The following SMCHD1 variants were observed in gnomAD, a reference collection of about 807,000 sequenced individuals.
The protein encoded by SMCHD1 is structural maintenance of chromosomes flexible hinge domain containing 1.
SMCHD1 carries 78 observed loss-of-function variants against 254.7 expected under a neutral mutation model. The observed-to-expected ratio is 0.31, with a 90% confidence interval of 0.26 to 0.37. The LOEUF is 0.37. SMCHD1 is among the 10% of genes least tolerant of loss of function. SMCHD1 has a pLI of 1.00. For synonymous variants in SMCHD1, 766 were observed against 794.9 expected (o/e 0.96, Z 0.61); for missense variants, 1,840 against 2,408.1 (o/e 0.76, Z 4.94).
intron 17 of SMCHD1, among the ~76,000 whole-genome samples, chr18:2,709,348 C>T (rs1427559703): frequency 6.6e-6 from 1 of 151,878 alleles, no homozygotes; most frequent in Admixed American, 6.6e-5. Context: ...GAAGAATGCT[C>T]CTGTGAACAT....
intron 7 of SMCHD1, among the ~76,000 whole-genome samples, chr18:2,693,622 T>TTTTGTTTGTTTGTTTG (rs77752065): frequency 6.7e-6 from 1 of 149,276 alleles, no homozygotes; most frequent in Non-Finnish European, 1.5e-5. Flanking sequence ...ATACCATGTT[T>TTTTGTTTGTTTGTTTG]TTTGTTTGTT....
chr18:2,706,010 A>G (rs1199104386), intron 14 of SMCHD1, among the ~76,000 whole-genome samples: 1 of 152,178 alleles, frequency 6.6e-6, no homozygotes, highest in Non-Finnish European at 1.5e-5. Flanking sequence ...TTGTAAACAT[A>G]TATACATTAT....
chr18:2,666,437 C>T (rs1329374240), intron 2 of SMCHD1, among the ~76,000 whole-genome samples: 3 of 152,156 alleles, frequency 2.0e-5, no homozygotes. Context: ...TAGTTGATAT[C>T]AGTTATGGCT....
chr18:2,688,628 A>C lies in SMCHD1; in HGVS notation c.754A>C (p.Met252Leu), dbSNP rs756110596. The C allele has an allele frequency of 3.8e-6, 6 of 1,561,010 alleles. No individual in the cohort carries two copies. The South Asian group carries it at 7.0e-5, about 18-fold the overall frequency. The change falls in exon 7 of 48, where the codon ATG becomes CTG. Residue 252 changes from methionine to leucine, a missense_variant and splice_region_variant. By Grantham distance (15) the Met-to-Leu change is conservative (BLOSUM62 2). This residue lies in a region of SMCHD1 where 498 missense variants were observed against 743.5 expected (regional missense o/e 0.67). Transcript: ENST00000320876. ...AAGTACTCTTTTTAATATTTAACAG[A>C]TGATAAGCAAACCTGCAGATTCCCA... ...AVFFVGQSAR[M>L]ISKPADSQDV...
At chr18:2,762,864 T>G (rs2075810111) in intron 36 of SMCHD1, among the ~76,000 whole-genome samples, 1 of 152,220 alleles carries the variant, frequency 6.6e-6, no homozygotes, top group African/African-American at 2.4e-5. Context: ...ATATTGACTC[T>G]TCAATGTCCG....
chr18:2,674,126 AG>A lies in SMCHD1; in HGVS notation c.621del (p.Arg207SerfsTer22). 1 of 1,593,310 alleles carries A rather than the reference AG, an allele frequency of 6.3e-7. No individual in the cohort carries two copies. The highest frequency in any genetic ancestry group is 8.5e-7 in the Non-Finnish European group (1 of 1,171,950). On this transcript the variant is annotated frameshift_variant, in exon 5 of 48. Transcript: ENST00000320876. LOFTEE classifies it high-confidence loss of function. ...CGTGTATAGGTTGTCAAAATTCACA[AG>A]GCAAGGTGACTTTGAAAGGTTAGAA... Reference protein sequence around the residue: ...WAVYRLSKFTRQGDFESDHSG... With the variant: ...WAVYRLSKFTXQGDFESDHSG...
chr18:2,772,442 A>G, intron 41 of SMCHD1, 70 bp downstream of exon 41: 1 of 1,297,850 alleles, frequency 7.7e-7, no homozygotes, highest in Non-Finnish European at 1.0e-6. Flanking sequence ...CGGGTCTTCT[A>G]AAAGTGACAA....
At chr18:2,707,993 AATT>A in intron 17 of SMCHD1, 73 bp downstream of exon 17, 1 of 936,690 alleles carries the variant, frequency 1.1e-6, no homozygotes, top group Non-Finnish European at 1.5e-6. Flanking sequence ...ATCTTCATGT[AATT>A]ATTGATGACC....
chr18:2,722,696 T>C (rs747848292), intron 20 of SMCHD1, 33 bp downstream of exon 20: 58 of 1,555,556 alleles, frequency 3.7e-5, no homozygotes, highest in Non-Finnish European at 4.1e-5. Context: ...ATTTGTCCTT[T>C]GATATTTGCT....
intron 10 of SMCHD1, 88 bp downstream of exon 10, chr18:2,698,129 A>G: frequency 1.0e-6 from 1 of 953,192 alleles, no homozygotes; most frequent in Non-Finnish European, 1.5e-6. Flanking sequence ...CGGTTGGGTT[A>G]TTCAGGTTAG....
In SMCHD1 at chr18:2,729,351, C is replaced by G; in HGVS notation, c.2990C>G (p.Ala997Gly). The change falls in exon 24 of 48, where the codon GCA becomes GGA. Residue 997 changes from alanine to glycine, a missense_variant. Coordinates refer to ENST00000320876, the MANE Select transcript of SMCHD1 (RefSeq NM_015295.3). ...GGAACCAGTATTTTAACAGGATCTGCAATTCAAGTTCAGAATATTAAAAAA... is the reference window on the plus strand; with the variant it reads ...GGAACCAGTATTTTAACAGGATCTGGAATTCAAGTTCAGAATATTAAAAAA... ...SSGTSILTGSAIQVQNIKKDQ... is the reference protein window; with the variant it reads ...SSGTSILTGSGIQVQNIKKDQ... The G allele has an allele frequency of 6.4e-7, 1 of 1,557,404 alleles. No homozygotes were observed. The highest frequency in any genetic ancestry group is 8.7e-7 in the Non-Finnish European group (1 of 1,150,658).
intron 1 of SMCHD1, among the ~76,000 whole-genome samples, chr18:2,661,711 C>A (rs1476610735): frequency 6.6e-6 from 1 of 152,078 alleles, no homozygotes; most frequent in Non-Finnish European, 1.5e-5. Context: ...AACCCGGTTG[C>A]CATTGTTTGA....
intron 45 of SMCHD1, among the ~76,000 whole-genome samples, chr18:2,794,036 A>G (rs977455395): frequency 6.6e-6 from 1 of 152,202 alleles, no homozygotes; most frequent in Non-Finnish European, 1.5e-5. Context: ...ATTTCCATGG[A>G]TATTGATCAT....
At chr18:2,771,497 C>T in intron 39 of SMCHD1, 36 bp from the exon 40 acceptor site, 1 of 1,462,590 alleles carries the variant, frequency 6.8e-7, no homozygotes, top group South Asian at 1.3e-5. Context: ...TGGGGGCTAT[C>T]AGAAATTGAT....
At chr18:2,720,147 T>C (rs1007115376) in intron 19 of SMCHD1, among the ~76,000 whole-genome samples, 1 of 152,200 alleles carries the variant, frequency 6.6e-6, no homozygotes. Flanking sequence ...TTCTAAAATA[T>C]CTAATGTTAG....
In SMCHD1 at chr18:2,769,926, T is replaced by C. The variant is rs1025664020; in HGVS notation, c.4847-63T>C. 6.5e-6 allele frequency: 10 copies of C among 1,533,164 alleles called. No individual in the cohort carries two copies. In the Admixed American group the frequency reaches 8.8e-5, roughly 14 times the overall value. The allele number at this position is 1,533,164 out of a possible 1,614,324, so 95.0% of individuals were successfully genotyped here. A position where few individuals can be genotyped will look rare whatever the true frequency, so the allele number is the denominator to read the frequency against. ...GTGTTTATTAGCTATCTAACCACTT[T>C]ATGACATATTTTAGAAAAGTCAGTT... On this transcript the variant is annotated intron_variant, in intron 38 of 47. Coordinates refer to ENST00000320876, the MANE Select transcript of SMCHD1 (RefSeq NM_015295.3).
chr18:2,693,135 C>G (rs1181244397), intron 7 of SMCHD1, among the ~76,000 whole-genome samples: 1 of 152,160 alleles, frequency 6.6e-6, no homozygotes, highest in Non-Finnish European at 1.5e-5. Context: ...AGCTGTAACA[C>G]TTTTTAATTA....
At chr18:2,785,490 T>C (rs1181308252) in intron 45 of SMCHD1, among the ~76,000 whole-genome samples, 1 of 142,564 alleles carries the variant, frequency 7.0e-6, no homozygotes, top group Non-Finnish European at 1.6e-5. Flanking sequence ...CTACTAAAAA[T>C]ACAAAAAAAA....
intron 14 of SMCHD1, 56 bp downstream of exon 14, chr18:2,705,863 A>T: frequency 9.5e-7 from 1 of 1,050,416 alleles, no homozygotes. Context: ...CTTTTGCATA[A>T]TTGTTAAGAT....
Sources: allele counts gnomAD v4.1 joint callset (sites outside exome capture counted in the v4.1 genomes callset), GRCh38; gene constraint gnomAD v4.1.1; regional missense constraint gnomAD v4.1.1; transcripts MANE v1.5; gene names NCBI Gene and HGNC (gene_info 2026-07-23, HGNC 2026-07-21).